Variants in NAV2 observed in about 807,000 individuals in gnomAD.
The protein encoded by NAV2 is helicase, APC down-regulated 1.
NAV2 carries 54 observed loss-of-function variants against 223.2 expected under a neutral mutation model. The observed-to-expected ratio is 0.24, with a 90% CI of 0.19 to 0.30. The LOEUF is 0.30. Ranked by LOEUF, NAV2 falls within the 10% of genes least tolerant of loss-of-function variation. The probability of loss-of-function intolerance (pLI) is 1.00; values close to 1 mark genes in which losing one functional copy is unlikely to be tolerated. For synonymous variants in NAV2, 1,279 were observed against 1,239.3 expected, an observed-to-expected ratio of 1.03 and a Z score of -0.67; for missense variants, 2,806 against 3,147.5, an observed-to-expected ratio of 0.89 and a Z score of 2.60.
chr11:19,477,222 C>T (rs150631781), intron 1 of NAV2, among the ~76,000 whole-genome samples: 1 of 152,164 alleles, frequency 6.6e-6, no homozygotes, highest in Non-Finnish European at 1.5e-5. Flanking sequence ...GAAAAAAATG[C>T]AAACCCTATA....
Position 20,103,366 on chromosome 11 carries a change from G to A in NAV2, c.6529G>A (p.Gly2177Arg). ...LDNLHHVSSL[G>R]EIFNGLLNCK... The stretch of plus-strand genomic sequence containing the variant: ...CAACCTACACCACGTGAGCTCTCTG[G>A]GAGAGATCTTCAATGGGCTGCTCAA... The change falls in exon 33 of 38, where the codon GGA becomes AGA. Residue 2177 changes from glycine (G) to arginine (R), a missense_variant. Coordinates refer to ENST00000349880, the MANE Select transcript of NAV2 (RefSeq NM_145117.5). 4 of 1,614,094 alleles carry A rather than the reference G, an allele frequency of 2.5e-6. No homozygotes were observed. Among genetic ancestry groups the A allele is most frequent in the Admixed American group, 1.7e-5 (1 of 60,010 alleles).
Position 20,077,599 on chromosome 11 carries a change from C to T in NAV2, c.5031C>T (p.Ile1677=), listed in dbSNP as rs1413335847. 1.9e-6 allele frequency: 3 copies of T among 1,614,118 alleles called. No individual in the cohort carries two copies. The highest frequency in any genetic ancestry group is 3.3e-4 in the Middle Eastern group (2 of 6,062). Residue 1677 remains isoleucine (I), a synonymous_variant, in exon 23 of 38, where the codon ATC becomes ATT. Coordinates refer to ENST00000349880, the MANE Select transcript of NAV2 (RefSeq NM_145117.5). ...AACAGAGTCTTGGTAACATGACAAT[C>T]AGGCTCCAGAGTCTGACCATGACAG... ...AFEQSLGNMT[I]RLQSLTMTAE... is the part of the protein sequence containing the mutation.
intron 1 of NAV2, among the ~76,000 whole-genome samples, chr11:19,381,218 C>A (rs1398412174): frequency 6.6e-6 from 1 of 152,174 alleles, no homozygotes; most frequent in African/African-American, 2.4e-5. Context: ...TCACAGTTAT[C>A]ACTCTATACC....
chr11:19,595,597 C>G (rs1343303247), intron 1 of NAV2, among the ~76,000 whole-genome samples: 1 of 151,390 alleles, frequency 6.6e-6, no homozygotes, highest in East Asian at 1.9e-4. Flanking sequence ...CTCTGTTGCC[C>G]AGGCTGGAGT....
At chr11:19,905,821 C>A (rs1282617942) in intron 6 of NAV2, among the ~76,000 whole-genome samples, 1 of 152,170 alleles carries the variant, frequency 6.6e-6, no homozygotes, top group African/African-American at 2.4e-5. Context: ...TACCTTCCAA[C>A]ACAAGTAGTG....
At chr11:19,428,753 G>C (rs1850932355) in intron 1 of NAV2, among the ~76,000 whole-genome samples, 1 of 152,176 alleles carries the variant, frequency 6.6e-6, no homozygotes, top group South Asian at 2.1e-4. Flanking sequence ...AGAGAATCAG[G>C]GTGGGAAGAG....
intron 1 of NAV2, among the ~76,000 whole-genome samples, chr11:19,354,863 C>T (rs1291720643): frequency 2.6e-5 from 4 of 152,152 alleles, no homozygotes; most frequent in Admixed American, 2.6e-4. Flanking sequence ...CCCACTTGTC[C>T]CCTGTGCCAG....
chr11:20,056,749 G>A, intron 19 of NAV2: 1 of 683,380 alleles, frequency 1.5e-6, no homozygotes, highest in South Asian at 1.7e-5. Context: ...GACTAGCAGA[G>A]TTTAAATTCC....
At chr11:19,502,011 G>A (rs557987059) in intron 1 of NAV2, among the ~76,000 whole-genome samples, 9 of 152,264 alleles carry the variant, frequency 5.9e-5, no homozygotes, top group Non-Finnish European at 1.2e-4. Flanking sequence ...TCCTAAAAGC[G>A]TCTTGAGACC....
intron 8 of NAV2, among the ~76,000 whole-genome samples, chr11:19,945,222 T>TC (rs1213941331): frequency 5.1e-5 from 7 of 137,100 alleles, no homozygotes; most frequent in African/African-American, 1.9e-4. Flanking sequence ...TTTCCTTCCT[T>TC]CTTTTCTTTC....
chr11:19,575,927 G>C (rs568669617), intron 1 of NAV2, among the ~76,000 whole-genome samples: 1 of 152,330 alleles, frequency 6.6e-6, no homozygotes, highest in African/African-American at 2.4e-5. Flanking sequence ...GTAACACAGA[G>C]GGCTGAGCAG....
intron 1 of NAV2, among the ~76,000 whole-genome samples, chr11:19,797,479 G>C (rs2057983423): frequency 6.6e-6 from 1 of 152,144 alleles, no homozygotes; most frequent in African/African-American, 2.4e-5. Flanking sequence ...CTATTTCCAA[G>C]GGTCAACTTG....
chr11:19,959,448 T>C (rs1313157740), intron 10 of NAV2, among the ~76,000 whole-genome samples: 1 of 152,152 alleles, frequency 6.6e-6, no homozygotes, highest in Non-Finnish European at 1.5e-5. Context: ...ACCTTGTAAG[T>C]TCTCACTTTC....
At chr11:19,714,097 C>A in intron 1 of NAV2, 135 bp downstream of exon 1, 1 of 1,321,228 alleles carries the variant, frequency 7.6e-7, no homozygotes, top group Non-Finnish European at 1.0e-6. Context: ...CCCCTTAGGC[C>A]GGCAGGTTGG....
chr11:19,492,444 C>T (rs2042661476), intron 1 of NAV2, among the ~76,000 whole-genome samples: 1 of 152,076 alleles, frequency 6.6e-6, no homozygotes, highest in African/African-American at 2.4e-5. Context: ...AGCACACTTT[C>T]TTCGTCTCCT....
At chr11:20,078,162 C>T (rs954270930) in intron 24 of NAV2, 58 bp downstream of exon 24, 7 of 1,212,198 alleles carry the variant, frequency 5.8e-6, no homozygotes, top group Admixed American at 2.0e-5. Flanking sequence ...GGAGCCCTCC[C>T]CTGACATCAT....
chr11:19,558,234 T>G (rs1272157567), intron 1 of NAV2, among the ~76,000 whole-genome samples: 1 of 152,208 alleles, frequency 6.6e-6, no homozygotes, highest in Non-Finnish European at 1.5e-5. Flanking sequence ...AACAACTACG[T>G]ATTTGCTCAC....
chr11:19,540,989 AT>A (rs2044325365), intron 1 of NAV2, among the ~76,000 whole-genome samples: 1 of 152,232 alleles, frequency 6.6e-6, no homozygotes, highest in Admixed American at 6.5e-5. Context: ...AAAGAAAACA[AT>A]TCTGAGAAAT....
In NAV2 at chr11:19,713,307, C is replaced by T; in HGVS notation, c.-389C>T. Reference sequence around the variant, plus strand: ...GCCGCCTCTGTCTCTTCCAAAGGGGCCTCCTCACTTCGGAGATGCAGTGAC... The same window carrying T: ...GCCGCCTCTGTCTCTTCCAAAGGGGTCTCCTCACTTCGGAGATGCAGTGAC... On this transcript the variant is annotated 5_prime_UTR_variant, in exon 1 of 38. Transcript: ENST00000349880. The surrounding 1 kb of genome is among the most constrained non-coding windows in gnomAD (Gnocchi z 7.2). The T allele has an allele frequency of 9.6e-7, 1 of 1,041,162 alleles. No individual in the cohort carries two copies. Among genetic ancestry groups the T allele is most frequent in the Non-Finnish European group, 1.2e-6 (1 of 867,306 alleles). The allele number at this position is 1,041,162 out of a possible 1,614,324, so 64.5% of individuals were successfully genotyped here. A position where few individuals can be genotyped will look rare whatever the true frequency, so the allele number is the denominator to read the frequency against.
Sources: gnomAD v4.1 joint callset for allele counts (sites outside exome capture counted in the v4.1 genomes callset) on GRCh38, gnomAD v4.1.1 for gene constraint, Gnocchi (gnomAD v3.1) non-coding constraint, MANE v1.5 for transcripts, NCBI Gene and HGNC (gene_info 2026-07-23, HGNC 2026-07-21) for gene names.